The following RAC1 variants were observed in gnomAD, a reference collection of about 807,000 sequenced individuals.
RAC1 encodes Rac family small GTPase 1, also known as ras-related C3 botulinum toxin substrate 1.
A neutral mutation model predicts 25.2 loss-of-function variants in RAC1; 2 were observed. The ratio of observed to expected loss-of-function variants is 0.08; its 90% CI spans 0.03 to 0.25. RAC1 has a LOEUF of 0.25. Among genes scored for constraint, RAC1 ranks in the 10% least tolerant of loss-of-function variants. The probability of loss-of-function intolerance (pLI) is 1.00; values close to 1 mark genes in which losing one functional copy is unlikely to be tolerated. For synonymous variants in RAC1, 88 were observed against 94.0 expected, an observed-to-expected ratio of 0.94 and a Z score of 0.37; for missense variants, 50 against 235.7, an observed-to-expected ratio of 0.21 and a Z score of 5.16.
intron 5 of RAC1, 127 bp from the exon 6 acceptor site, chr7:6,402,189 G>A: frequency 6.8e-7 from 1 of 1,465,182 alleles, no homozygotes; most frequent in Non-Finnish European, 9.2e-7. Context: ...CGTCAGCGTT[G>A]GAAGGTGGAA....
rs1783448333 is a variant in RAC1 at position 6,402,630 on chromosome 7, TTTTG to T, written c.*191_*194del. 5.4e-6 allele frequency: 3 copies of T among 553,620 alleles called. No homozygotes were observed. Among genetic ancestry groups the T allele is most frequent in the Non-Finnish European group, 8.4e-6 (3 of 356,298 alleles). The allele number at this position is 553,620 out of a possible 1,614,324, so 34.3% of individuals were successfully genotyped here. ...TTTGAACCAATCAGTAATTTTAAGG[TTTTG>T]TTTGTTCTAAATGTAAGAGTTCAGA... On this transcript the variant is annotated 3_prime_UTR_variant, in exon 6 of 6. Coordinates refer to ENST00000348035, the MANE Select transcript of RAC1 (RefSeq NM_006908.5).
At chr7:6,379,447 A>G (rs1326923379) in intron 1 of RAC1, among the ~76,000 whole-genome samples, 1 of 151,680 alleles carries the variant, frequency 6.6e-6, no homozygotes, top group East Asian at 2.0e-4. Context: ...CTAATTTCGT[A>G]TTTTTAATAG....
At chr7:6,396,299 C>T (rs1162749266) in intron 3 of RAC1, among the ~76,000 whole-genome samples, 1 of 152,144 alleles carries the variant, frequency 6.6e-6, no homozygotes, top group African/African-American at 2.4e-5. Flanking sequence ...AGCCTCCCAG[C>T]CAGGGTCAGC....
intron 3 of RAC1, among the ~76,000 whole-genome samples, chr7:6,396,621 C>T (rs1783242676): frequency 6.6e-6 from 1 of 152,182 alleles, no homozygotes; most frequent in African/African-American, 2.4e-5. Flanking sequence ...GATCCTCTCC[C>T]ATGGTAAAGA....
intron 2 of RAC1, among the ~76,000 whole-genome samples, chr7:6,387,557 C>A (rs942969932): frequency 6.6e-6 from 1 of 151,996 alleles, no homozygotes; most frequent in Non-Finnish European, 1.5e-5. Context: ...AACCCCATCT[C>A]TACTAAAAAT....
intron 1 of RAC1, among the ~76,000 whole-genome samples, chr7:6,380,494 A>T (rs1044328189): frequency 2.6e-5 from 4 of 152,178 alleles, no homozygotes; most frequent in Admixed American, 6.5e-5. Context: ...TTCACCCTTT[A>T]TAACTTTCTG....
intron 2 of RAC1, among the ~76,000 whole-genome samples, chr7:6,388,296 G>A (rs1935137633): frequency 6.6e-6 from 1 of 150,938 alleles, no homozygotes; most frequent in African/African-American, 2.4e-5. Flanking sequence ...ACACCCAGGT[G>A]CTCTCTGAAG....
intron 1 of RAC1, among the ~76,000 whole-genome samples, chr7:6,376,976 C>G (rs1259382992): frequency 6.6e-6 from 1 of 151,960 alleles, no homozygotes. Context: ...AATCCCCACC[C>G]CACCGCTTAC....
rs34779906 is a variant in RAC1, at chr7:6,383,007, G to A, written c.36-4205G>A. Among the ~76,000 whole-genome samples the A allele has an allele frequency of 1.2e-4, 18 of 152,344 alleles. No homozygotes were observed. The East Asian group carries it at 3.1e-3, about 26-fold the overall frequency. On this transcript the variant is annotated intron_variant, in intron 1 of 5. Transcript: ENST00000348035. ...AAAATTGTAGCATCATGAGCTAGGG[G>A]GAAATCCAATGTAGAAATGGCATGA...
At chr7:6,399,642 G>A (rs1258415578) in intron 3 of RAC1, among the ~76,000 whole-genome samples, 2 of 152,230 alleles carry the variant, frequency 1.3e-5, no homozygotes, top group Non-Finnish European at 2.9e-5. Flanking sequence ...CTCCTTCCTT[G>A]TGGAGGGAAG....
chr7:6,375,846 T>G (rs1262621140), intron 1 of RAC1: 2 of 152,052 alleles, frequency 1.3e-5, no homozygotes, highest in Non-Finnish European at 2.9e-5. Flanking sequence ...TATGCAGTTT[T>G]TTTCTCCCAT....
intron 4 of RAC1, among the ~76,000 whole-genome samples, chr7:6,400,421 C>G (rs1207185952): frequency 6.6e-6 from 1 of 151,876 alleles, no homozygotes; most frequent in African/African-American, 2.4e-5. Context: ...CCTTGAACTC[C>G]TGGGCTCAAA....
At chr7:6,374,829 G>T in intron 1 of RAC1, 59 bp downstream of exon 1, 2 of 1,070,936 alleles carry the variant, frequency 1.9e-6, no homozygotes, top group Middle Eastern at 4.1e-4. Flanking sequence ...AGGGGGGTTG[G>T]GCCCGGACTG....
intron 3 of RAC1, among the ~76,000 whole-genome samples, chr7:6,395,045 G>A (rs547755157): frequency 2.7e-4 from 41 of 152,190 alleles, no homozygotes; most frequent in African/African-American, 8.4e-4. Context: ...TAGTAGAGAC[G>A]GGGTTTCACC....
At chr7:6,390,837 A>G (rs1191968844) in intron 2 of RAC1, among the ~76,000 whole-genome samples, 2 of 152,156 alleles carry the variant, frequency 1.3e-5, no homozygotes, top group Non-Finnish European at 2.9e-5. Flanking sequence ...TATTTATCCA[A>G]TAATTTTTTT....
At chr7:6,383,313 G>A (rs1782825969) in intron 1 of RAC1, among the ~76,000 whole-genome samples, 1 of 152,198 alleles carries the variant, frequency 6.6e-6, no homozygotes, top group African/African-American at 2.4e-5. Context: ...ACACTAATAG[G>A]AGTGGAATAA....
intron 3 of RAC1, 73 bp downstream of exon 3, chr7:6,392,114 A>C (rs905296530): frequency 1.8e-5 from 29 of 1,598,556 alleles, no homozygotes; most frequent in Non-Finnish European, 2.4e-5. Flanking sequence ...AGTGCATGTT[A>C]CCTATGGACT....
At chr7:6,374,864 C>T in intron 1 of RAC1, 94 bp downstream of exon 1, 1 of 987,870 alleles carries the variant, frequency 1.0e-6, no homozygotes, top group Non-Finnish European at 1.2e-6. Context: ...CGGCGTCCGC[C>T]GCGGTCTCGC....
intron 1 of RAC1, among the ~76,000 whole-genome samples, chr7:6,375,123 G>A (rs1406776504): frequency 2.1e-5 from 3 of 145,988 alleles, no homozygotes; most frequent in Admixed American, 6.8e-5. Flanking sequence ...TCCAAAAAGG[G>A]ACCCTTTATT....
Sources: gnomAD v4.1 joint callset for allele counts (sites outside exome capture counted in the v4.1 genomes callset) on GRCh38, gnomAD v4.1.1 for gene constraint, MANE v1.5 for transcripts, NCBI Gene and HGNC (gene_info 2026-07-23, HGNC 2026-07-21) for gene names.